AQP7B: variants seen among roughly 807,000 people sequenced by gnomAD.
The protein encoded by AQP7B is aquaporin 7B, also known as putative aquaporin-7B.
chr2:94,593,282 A>G, the AQP7B span, among the ~76,000 whole-genome samples: 5 of 151,216 alleles, frequency 3.3e-5, no homozygotes, highest in Non-Finnish European at 7.4e-5. Flanking sequence ...CGGGTAAAGG[A>G]GCCTCTGGGG....
chr2:94,604,307 T>C, the AQP7B span: 1 of 1,607,078 alleles, frequency 6.2e-7, no homozygotes, highest in South Asian at 1.1e-5. Flanking sequence ...GAACTGGTGG[T>C]GGGTGCCAGT....
the AQP7B span, chr2:94,603,810 C>T: frequency 6.6e-7 from 1 of 1,512,690 alleles, no homozygotes; most frequent in Admixed American, 1.7e-5. Flanking sequence ...TGATAAGCAT[C>T]CTCGTGGTCA....
the AQP7B span, among the ~76,000 whole-genome samples, chr2:94,587,915 C>T: frequency 6.6e-6 from 1 of 151,992 alleles, no homozygotes; most frequent in African/African-American, 2.4e-5. Context: ...GGGAACTGGG[C>T]TAGATAATCA....
At chr2:94,590,931 T>G in the AQP7B span, among the ~76,000 whole-genome samples, 1 of 112,848 alleles carries the variant, frequency 8.9e-6, no homozygotes, top group African/African-American at 3.6e-5. Context: ...GGTGACAGAG[T>G]GAGACCCTGT....
the AQP7B span, chr2:94,603,744 C>T: frequency 1.8e-5 from 28 of 1,517,344 alleles, no homozygotes; most frequent in East Asian, 5.9e-4. Context: ...AGCTGTGTCT[C>T]TTCACCATCA....
the AQP7B span, chr2:94,604,326 C>G: frequency 6.2e-7 from 1 of 1,610,034 alleles, no homozygotes; most frequent in Non-Finnish European, 8.5e-7. Flanking sequence ...GTGGTGGCAC[C>G]ACTTCTGGGT....
the AQP7B span, among the ~76,000 whole-genome samples, chr2:94,593,271 G>A: frequency 1.3e-5 from 2 of 151,812 alleles, no homozygotes; most frequent in African/African-American, 4.8e-5. Flanking sequence ...AAGAAGGCTG[G>A]CGGGTAAAGG....
chr2:94,590,262 A>G, the AQP7B span, among the ~76,000 whole-genome samples: 5 of 152,096 alleles, frequency 3.3e-5, no homozygotes, highest in African/African-American at 1.2e-4. Context: ...GGCTCACTGC[A>G]ACTTCTGCTT....
At chr2:94,601,536 GGA>G in the AQP7B span, among the ~76,000 whole-genome samples, 2 of 152,202 alleles carry the variant, frequency 1.3e-5, no homozygotes, top group Non-Finnish European at 2.9e-5. Context: ...TGGAGCCCTT[GGA>G]GAGAGCTTTG....
chr2:94,587,342 G>A, the AQP7B span, among the ~76,000 whole-genome samples: 1 of 152,202 alleles, frequency 6.6e-6, no homozygotes. Flanking sequence ...GGAGGAAGAA[G>A]ATCAAGATGC....
chr2:94,604,488 C>T, the AQP7B span: 1 of 1,610,994 alleles, frequency 6.2e-7, no homozygotes, highest in Non-Finnish European at 8.5e-7. Flanking sequence ...TCTCCCCTCA[C>T]CCTCATCTCC....
the AQP7B span, among the ~76,000 whole-genome samples, chr2:94,595,423 G>A: frequency 5.9e-5 from 9 of 151,636 alleles, no homozygotes; most frequent in Non-Finnish European, 1.2e-4. Flanking sequence ...TGACAGGAGC[G>A]AAACTCTGTC....
chr2:94,589,208 C>T, the AQP7B span, among the ~76,000 whole-genome samples: 1 of 151,340 alleles, frequency 6.6e-6, no homozygotes, highest in Non-Finnish European at 1.5e-5. Flanking sequence ...GGGGTTTCGC[C>T]ATGTTCGCCA....
At chr2:94,595,839 C>G in the AQP7B span, among the ~76,000 whole-genome samples, 1 of 152,182 alleles carries the variant, frequency 6.6e-6, no homozygotes, top group South Asian at 2.1e-4. Context: ...GTGGGGAAAT[C>G]CAGGAGATAG....
chr2:94,602,617 T>C, the AQP7B span: 2 of 1,592,950 alleles, frequency 1.3e-6, no homozygotes, highest in Admixed American at 1.7e-5. Flanking sequence ...GCATCTCTGG[T>C]GAGTGAGCCC....
chr2:94,600,133 G>C, the AQP7B span, among the ~76,000 whole-genome samples: 1 of 151,962 alleles, frequency 6.6e-6, no homozygotes, highest in South Asian at 2.1e-4. Context: ...GCCTCCCAAA[G>C]TGCTGGGATT....
the AQP7B span, chr2:94,603,351 G>A: frequency 7.6e-6 from 12 of 1,580,100 alleles, no homozygotes; most frequent in Non-Finnish European, 8.7e-6. Flanking sequence ...TTAGTTGGGG[G>A]CAGGTTCGCA....
At chr2:94,604,307 T>G in the AQP7B span, 1 of 1,606,960 alleles carries the variant, frequency 6.2e-7, no homozygotes, top group African/African-American at 1.3e-5. Flanking sequence ...GAACTGGTGG[T>G]GGGTGCCAGT....
At chr2:94,598,427 AG>A in the AQP7B span, among the ~76,000 whole-genome samples, 1 of 151,990 alleles carries the variant, frequency 6.6e-6, no homozygotes, top group Non-Finnish European at 1.5e-5. Flanking sequence ...GATCAGGGAG[AG>A]GAGGGGCTGG....
Sources: allele counts gnomAD v4.1 joint callset (sites outside exome capture counted in the v4.1 genomes callset), GRCh38; gene constraint gnomAD v4.1.1; transcripts MANE v1.5; gene names NCBI Gene and HGNC (gene_info 2026-07-23, HGNC 2026-07-21).